TNRC6B: variants seen among roughly 807,000 people sequenced by gnomAD.
The protein encoded by TNRC6B is trinucleotide repeat-containing gene 6B protein.
Under a neutral mutation model 203.6 loss-of-function variants are expected in TNRC6B, and 52 were observed. The ratio of observed to expected loss-of-function variants is 0.26; its 90% CI spans 0.20 to 0.32. The LOEUF (loss-of-function observed/expected upper bound fraction) is 0.32. Among genes scored for constraint, TNRC6B ranks in the 10% least tolerant of loss-of-function variants. The pLI, the probability that TNRC6B is intolerant of heterozygous loss-of-function variation, is 1.00. For synonymous variants in TNRC6B, 838 were observed against 845.7 expected (o/e 0.99, Z 0.16); for missense variants, 1,923 against 2,286.2 (o/e 0.84, Z 3.24).
At chr22:40,162,975 A>G (rs1425581376) in intron 4 of TNRC6B, among the ~76,000 whole-genome samples, 1 of 152,176 alleles carries the variant, frequency 6.6e-6, no homozygotes, top group Non-Finnish European at 1.5e-5. Flanking sequence ...GTTGCTAATA[A>G]ATTTTGTAAT....
chr22:40,210,799 C>T (rs1255788675), intron 1 of TNRC6B, among the ~76,000 whole-genome samples: 2 of 152,138 alleles, frequency 1.3e-5, no homozygotes, highest in Non-Finnish European at 2.9e-5. Flanking sequence ...TGGAAATATG[C>T]TTGACCAGAG....
chr22:40,110,044 C>T (rs145473292), intron 1 of TNRC6B, among the ~76,000 whole-genome samples: 1,838 of 152,270 alleles, frequency 0.012, 25 homozygotes, highest in South Asian at 0.035. Context: ...TGTGAACAAT[C>T]TCACCTCATA....
intron 12 of TNRC6B, among the ~76,000 whole-genome samples, chr22:40,288,134 C>A (rs899206416): frequency 6.6e-6 from 1 of 152,234 alleles, no homozygotes; most frequent in Non-Finnish European, 1.5e-5. Flanking sequence ...AAGAAAGGAA[C>A]TAGACAAGAA....
chr22:40,209,313 A>G (rs1030735143), intron 1 of TNRC6B, among the ~76,000 whole-genome samples: 1 of 152,218 alleles, frequency 6.6e-6, no homozygotes. Context: ...AGAACAAAAT[A>G]ATAAAACCAG....
chr22:40,129,522 C>T (rs113468195), intron 3 of TNRC6B, among the ~76,000 whole-genome samples: 20 of 152,108 alleles, frequency 1.3e-4, no homozygotes, highest in Non-Finnish European at 2.4e-4. Flanking sequence ...GGATTGAGAT[C>T]CTTTTGCATC....
chr22:40,088,042 T>A (rs760278998), intron 1 of TNRC6B, among the ~76,000 whole-genome samples: 3 of 152,238 alleles, frequency 2.0e-5, no homozygotes, highest in Non-Finnish European at 2.9e-5. Context: ...GCTTACCTTG[T>A]ACTTAAGAGT....
intron 4 of TNRC6B, among the ~76,000 whole-genome samples, chr22:40,163,867 A>AG (rs1344629491): frequency 5.9e-5 from 9 of 151,700 alleles, no homozygotes; most frequent in Non-Finnish European, 7.4e-5. Flanking sequence ...AAATAAGGGG[A>AG]GGGGAGGCTC....
In TNRC6B at chr22:40,086,186, T is replaced by C. The variant is rs146684356; in HGVS notation, c.-120-30869T>C. Among the ~76,000 whole-genome samples, 186 of 152,318 alleles carry C rather than the reference T, an allele frequency of 1.2e-3. 2 individuals carry two copies. Among genetic ancestry groups the C allele is most frequent in the African/African-American group, 4.3e-3 (178 of 41,572 alleles). On this transcript the variant is annotated intron_variant, in intron 1 of 23. Coordinates refer to the TNRC6B transcript ENST00000301923. Reference sequence around the variant, plus strand: ...ATGCTTGGCCAGAAATAGTCTCTTATCCACTCTGTGGTTAATCTGAGGTAT... The same window carrying C: ...ATGCTTGGCCAGAAATAGTCTCTTACCCACTCTGTGGTTAATCTGAGGTAT...
At chr22:40,247,076 C>G (rs2070117514) in intron 2 of TNRC6B, among the ~76,000 whole-genome samples, 1 of 152,130 alleles carries the variant, frequency 6.6e-6, no homozygotes. Flanking sequence ...GCCCCTCTGC[C>G]CTGTCTGTTG....
intron 1 of TNRC6B, among the ~76,000 whole-genome samples, chr22:40,221,759 C>A (rs1010368632): frequency 2.4e-5 from 3 of 123,610 alleles, no homozygotes; most frequent in African/African-American, 5.2e-5. Context: ...TTGCCCCCCC[C>A]CCTTTTTTTT....
At chr22:40,162,840 T>C (rs1473934910) in intron 4 of TNRC6B, among the ~76,000 whole-genome samples, 1 of 152,152 alleles carries the variant, frequency 6.6e-6, no homozygotes, top group Non-Finnish European at 1.5e-5. Context: ...TCAAGTTAAT[T>C]GGTACTTTGA....
At position 40,300,694 on chromosome 22, in the gene TNRC6B, G is replaced by T. The variant is rs562954428; in HGVS notation, c.3840+108G>T. On this transcript the variant is annotated intron_variant, in intron 13 of 22. Coordinates refer to ENST00000454349, the MANE Select transcript of TNRC6B (RefSeq NM_001162501.2). Reference sequence around the variant, plus strand: ...TTGCCACTTTCTATGTTCAAAGGGTGCTAGTCCACACTTCTTTGCAAACTA... The same window carrying T: ...TTGCCACTTTCTATGTTCAAAGGGTTCTAGTCCACACTTCTTTGCAAACTA... 3.7e-4 allele frequency: 516 copies of T among 1,411,732 alleles called. 4 individuals carry two copies. The South Asian group carries it at 6.9e-3, about 19-fold the overall frequency. 87.5% of individuals were successfully genotyped at this position (1,411,732 alleles called of 1,614,324 possible).
At chr22:40,312,270 T>C (rs2071194917) in intron 17 of TNRC6B, among the ~76,000 whole-genome samples, 1 of 152,212 alleles carries the variant, frequency 6.6e-6, no homozygotes, top group Non-Finnish European at 1.5e-5. Context: ...GGGGACAGGC[T>C]CTGATGAGCT....
At chr22:40,293,190 C>CTTTTTTTTTTTTT (rs748230080) in intron 12 of TNRC6B, among the ~76,000 whole-genome samples, 2 of 79,452 alleles carry the variant, frequency 2.5e-5, no homozygotes, top group Non-Finnish European at 2.3e-5. Flanking sequence ...ATATCCTTTT[C>CTTTTTTTTTTTTT]TTTTTTTTTT....
In TNRC6B at chr22:40,312,985, C is replaced by T; in HGVS notation, c.4666C>T (p.His1556Tyr). Residue 1556 changes from histidine (H) to tyrosine (Y), a missense_variant, in exon 19 of 23, where the codon CAT becomes TAT. Coordinates refer to ENST00000454349, the MANE Select transcript of TNRC6B (RefSeq NM_001162501.2). ...SASDNSFTNV[H>Y]STSAKFPDYK... ...CTCTGACAACTCCTTTACCAACGTTCATAGCACTTCAGGTATGAGTGTGAA... is the reference window on the plus strand; with the variant it reads ...CTCTGACAACTCCTTTACCAACGTTTATAGCACTTCAGGTATGAGTGTGAA... The T allele has an allele frequency of 1.2e-6, 2 of 1,613,412 alleles. No homozygotes were observed. The highest frequency in any genetic ancestry group is 1.7e-6 in the Non-Finnish European group (2 of 1,179,524).
At chr22:40,122,930 G>A (rs2068458241) in intron 2 of TNRC6B, among the ~76,000 whole-genome samples, 1 of 152,194 alleles carries the variant, frequency 6.6e-6, no homozygotes, top group African/African-American at 2.4e-5. Context: ...ACATCCGTAA[G>A]CATTCGGGTC....
intron 15 of TNRC6B, among the ~76,000 whole-genome samples, chr22:40,306,291 CAAAAAAAGAAAAGAAAG>C (rs961066883): frequency 6.5e-4 from 99 of 151,308 alleles, no homozygotes; most frequent in African/African-American, 2.3e-3. Flanking sequence ...GACTCCGTCT[CAAAAAAAGAAAAGAAAG>C]AAAAAAAGAA....
At chr22:40,180,943 C>G (rs769525765) in intron 1 of TNRC6B, among the ~76,000 whole-genome samples, 4 of 152,204 alleles carry the variant, frequency 2.6e-5, no homozygotes, top group Non-Finnish European at 4.4e-5. Flanking sequence ...GTGATAATAT[C>G]ACAACATTAC....
Position 40,332,017 on chromosome 22 carries a change from G to T in TNRC6B, c.*8776G>T, listed in dbSNP as rs1029874899. 2.1e-5 allele frequency: 4 copies of T among 187,364 alleles called. No individual in the cohort carries two copies. Among genetic ancestry groups the T allele is most frequent in the Admixed American group, 1.2e-4 (2 of 16,210 alleles). The allele number at this position is 187,364 out of a possible 1,614,324, so 11.6% of individuals were successfully genotyped here. A position where few individuals can be genotyped will look rare whatever the true frequency, so the allele number is the denominator to read the frequency against. The stretch of plus-strand genomic sequence containing the variant: ...ATCCTAGCCGTGCAGTGTTAATCCA[G>T]TGCAGCAATGGAACTCCACAGGCTC... On this transcript the variant is annotated 3_prime_UTR_variant, in exon 23 of 23. Coordinates refer to ENST00000454349, the MANE Select transcript of TNRC6B (RefSeq NM_001162501.2).
Sources: gnomAD v4.1 joint callset for allele counts (sites outside exome capture counted in the v4.1 genomes callset) on GRCh38, gnomAD v4.1.1 for gene constraint, MANE v1.5 for transcripts, NCBI Gene and HGNC (gene_info 2026-07-23, HGNC 2026-07-21) for gene names.